The following MAMDC2 variants were observed in gnomAD, a reference collection of about 807,000 sequenced individuals.
MAMDC2 encodes MAM domain containing 2, also known as MAM domain-containing protein 2.
In MAMDC2, 57 loss-of-function variants were observed where a neutral mutation model predicts 89.8. That is an observed-to-expected ratio of 0.63 (90% CI 0.51 to 0.79). MAMDC2 has a LOEUF of 0.79. MAMDC2 is among the 30% of genes least tolerant of loss of function. The pLI is 0.00. For missense variants in MAMDC2, 800 were observed against 820.6 expected (o/e 0.97, Z 0.31); for synonymous variants, 313 against 293.4 (o/e 1.07, Z -0.68).
intron 11 of MAMDC2, among the ~76,000 whole-genome samples, chr9:70,179,308 C>G (rs183386746): frequency 9.2e-5 from 14 of 151,560 alleles, no homozygotes; most frequent in South Asian, 2.1e-4. Context: ...GTCAGGAGAT[C>G]GAGACTATCC....
chr9:70,060,776 C>T (rs1587433992), intron 2 of MAMDC2, among the ~76,000 whole-genome samples: 1 of 152,272 alleles, frequency 6.6e-6, no homozygotes, highest in African/African-American at 2.4e-5. Flanking sequence ...GTGGCTAGGT[C>T]TTCCCAGTCC....
At chr9:70,084,366 T>C (rs976024417) in intron 2 of MAMDC2, among the ~76,000 whole-genome samples, 2 of 152,144 alleles carry the variant, frequency 1.3e-5, no homozygotes, top group Admixed American at 6.6e-5. Flanking sequence ...AAATCTGTTT[T>C]GTTTACAGCT....
At chr9:70,051,951 T>C (rs1264509782) in intron 2 of MAMDC2, among the ~76,000 whole-genome samples, 4 of 151,970 alleles carry the variant, frequency 2.6e-5, no homozygotes, top group African/African-American at 9.7e-5. Flanking sequence ...AGATATAGTT[T>C]CACCTACAGA....
intron 11 of MAMDC2, among the ~76,000 whole-genome samples, chr9:70,181,846 T>G (rs1230448823): frequency 6.6e-6 from 1 of 152,200 alleles, no homozygotes; most frequent in Non-Finnish European, 1.5e-5. Flanking sequence ...GTACCTTTTA[T>G]TTCTTTCTCT....
At chr9:70,155,225 G>A (rs1927119) in intron 9 of MAMDC2, among the ~76,000 whole-genome samples, 10,478 of 151,922 alleles carry the variant, frequency 0.069, 578 homozygotes, top group East Asian at 0.22. Context: ...ACTTTTCCTC[G>A]TCCCCCATCC....
intron 11 of MAMDC2, among the ~76,000 whole-genome samples, chr9:70,197,634 T>A (rs1393940941): frequency 6.6e-6 from 1 of 152,116 alleles, no homozygotes; most frequent in African/African-American, 2.4e-5. Flanking sequence ...ATCAAAGGAT[T>A]ACAACATCTG....
chr9:70,099,918 T>C (rs1043236525), intron 2 of MAMDC2, among the ~76,000 whole-genome samples: 8 of 148,682 alleles, frequency 5.4e-5, no homozygotes, highest in Non-Finnish European at 8.9e-5. Flanking sequence ...GAGGTTGCAG[T>C]GAGCTGAGGT....
chr9:70,105,010 C>T (rs903407490), intron 2 of MAMDC2, among the ~76,000 whole-genome samples: 24 of 150,996 alleles, frequency 1.6e-4, no homozygotes, highest in Non-Finnish European at 7.4e-5. Flanking sequence ...TTTTTTACAC[C>T]CAAAGAAAAC....
At chr9:70,065,723 G>A (rs146543218) in intron 2 of MAMDC2, among the ~76,000 whole-genome samples, 3 of 152,186 alleles carry the variant, frequency 2.0e-5, no homozygotes, top group African/African-American at 7.2e-5. Context: ...GAGACATTGA[G>A]TGGAGTACAC....
intron 11 of MAMDC2, among the ~76,000 whole-genome samples, chr9:70,206,793 C>A (rs2033234031): frequency 6.6e-6 from 1 of 152,272 alleles, no homozygotes; most frequent in Non-Finnish European, 1.5e-5. Context: ...CCCCACCCCA[C>A]CACAGGCCCC....
intron 2 of MAMDC2, chr9:70,089,374 C>G (rs1305492239): frequency 6.6e-6 from 1 of 152,134 alleles, no homozygotes; most frequent in Admixed American, 6.5e-5. Flanking sequence ...TAATCCCTTG[C>G]CCTTTATCAT....
At chr9:70,059,201 T>C (rs1827091579) in intron 2 of MAMDC2, among the ~76,000 whole-genome samples, 1 of 152,178 alleles carries the variant, frequency 6.6e-6, no homozygotes. Flanking sequence ...GGAAAATCCT[T>C]CAACCGTGGG....
intron 4 of MAMDC2, among the ~76,000 whole-genome samples, chr9:70,112,322 A>T (rs921124985): frequency 1.3e-5 from 2 of 152,060 alleles, no homozygotes; most frequent in Non-Finnish European, 2.9e-5. Context: ...GAAGAGGGGG[A>T]TCTGATTATC....
At chr9:70,186,728 G>A (rs529515244) in intron 11 of MAMDC2, among the ~76,000 whole-genome samples, 2 of 152,310 alleles carry the variant, frequency 1.3e-5, no homozygotes, top group African/African-American at 4.8e-5. Flanking sequence ...GGCTCTAACA[G>A]CATAGCACCA....
intron 11 of MAMDC2, among the ~76,000 whole-genome samples, chr9:70,216,891 G>C (rs1469868168): frequency 6.6e-6 from 1 of 152,168 alleles, no homozygotes; most frequent in Admixed American, 6.6e-5. Context: ...AGGATGTACT[G>C]ACTTGTATAC....
At chr9:70,103,276 A>G (rs1284538603) in intron 2 of MAMDC2, among the ~76,000 whole-genome samples, 3 of 152,212 alleles carry the variant, frequency 2.0e-5, no homozygotes, top group Non-Finnish European at 2.9e-5. Context: ...GGGACCCAGA[A>G]TAGTTAAAAT....
chr9:70,196,391 A>T (rs1158894654), intron 11 of MAMDC2, among the ~76,000 whole-genome samples: 1 of 152,110 alleles, frequency 6.6e-6, no homozygotes, highest in East Asian at 1.9e-4. Flanking sequence ...GAACATGAAA[A>T]AGGCATTAAA....
At chr9:70,091,720 T>C (rs1238780110) in intron 2 of MAMDC2, among the ~76,000 whole-genome samples, 4 of 152,184 alleles carry the variant, frequency 2.6e-5, no homozygotes, top group African/African-American at 9.7e-5. Context: ...GGGGTTGCTA[T>C]GAGGCTTAAT....
chr9:70,212,560 G>A (rs555206485), intron 11 of MAMDC2, among the ~76,000 whole-genome samples: 7 of 152,220 alleles, frequency 4.6e-5, no homozygotes, highest in African/African-American at 1.7e-4. Flanking sequence ...GGAATTCTGC[G>A]ACCCCTTGCG....
Sources: allele counts gnomAD v4.1 joint callset (sites outside exome capture counted in the v4.1 genomes callset), GRCh38; gene constraint gnomAD v4.1.1; transcripts MANE v1.5; gene names NCBI Gene and HGNC (gene_info 2026-07-23, HGNC 2026-07-21).